The following SFMBT1 variants were observed in gnomAD, a reference collection of about 807,000 sequenced individuals.
SFMBT1 encodes scm-like with four MBT domains protein 1.
SFMBT1 carries 32 observed loss-of-function variants against 108.7 expected under a neutral mutation model. The observed-to-expected ratio is 0.29, with a 90% confidence interval of 0.22 to 0.40. The LOEUF (loss-of-function observed/expected upper bound fraction) is 0.40, where lower values mean the gene tolerates loss of function less well. Among genes scored for constraint, SFMBT1 ranks in the 10% least tolerant of loss-of-function variants. SFMBT1 has a pLI of 1.00. For synonymous variants in SFMBT1, 348 were observed against 369.5 expected, an observed-to-expected ratio of 0.94 and a Z score of 0.67; for missense variants, 816 against 1,059.6, an observed-to-expected ratio of 0.77 and a Z score of 3.19.
intron 14 of SFMBT1, among the ~76,000 whole-genome samples, chr3:52,915,904 C>T (rs1167546809): frequency 3.3e-5 from 5 of 152,196 alleles, no homozygotes; most frequent in Non-Finnish European, 2.9e-5. Flanking sequence ...CCTTCTGAGC[C>T]GTTGGCACAC....
intron 1 of SFMBT1, among the ~76,000 whole-genome samples, chr3:53,035,126 G>A (rs527380469): frequency 2.6e-5 from 4 of 152,208 alleles, no homozygotes; most frequent in Non-Finnish European, 4.4e-5. Flanking sequence ...AAGGGAATAA[G>A]CTGGACAAAT....
chr3:52,948,542 G>T (rs954528681), intron 3 of SFMBT1, among the ~76,000 whole-genome samples: 3 of 151,836 alleles, frequency 2.0e-5, no homozygotes, highest in Non-Finnish European at 2.9e-5. Context: ...TTACAATAGT[G>T]ACTCTCTCAT....
intron 1 of SFMBT1, among the ~76,000 whole-genome samples, chr3:53,012,336 G>A (rs1698970045): frequency 6.6e-6 from 1 of 152,136 alleles, no homozygotes; most frequent in Admixed American, 6.5e-5. Context: ...CATTTAAGTC[G>A]CTGCGCAGCA....
intron 1 of SFMBT1, among the ~76,000 whole-genome samples, chr3:53,036,906 G>A (rs1404008987): frequency 6.6e-6 from 1 of 152,114 alleles, no homozygotes; most frequent in Non-Finnish European, 1.5e-5. Context: ...GATTGGCTAG[G>A]GAGCAGCTCA....
chr3:52,965,586 A>G (rs1223687709), intron 2 of SFMBT1, among the ~76,000 whole-genome samples: 1 of 152,204 alleles, frequency 6.6e-6, no homozygotes, highest in African/African-American at 2.4e-5. Flanking sequence ...GAGAGCTGAA[A>G]GAAATGAGCT....
At chr3:53,000,419 G>C (rs1698505916) in intron 1 of SFMBT1, among the ~76,000 whole-genome samples, 1 of 149,976 alleles carries the variant, frequency 6.7e-6, no homozygotes, top group Non-Finnish European at 1.5e-5. Context: ...AGTTTTAAAA[G>C]TGTGGTCACT....
intron 1 of SFMBT1, among the ~76,000 whole-genome samples, chr3:53,004,744 C>T (rs1467378254): frequency 6.7e-6 from 1 of 149,994 alleles, no homozygotes; most frequent in African/African-American, 2.4e-5. Context: ...CTAAAGCCTT[C>T]AGGAGCCTTC....
intron 12 of SFMBT1, among the ~76,000 whole-genome samples, chr3:52,919,174 A>C (rs1426626279): frequency 6.6e-6 from 1 of 152,224 alleles, no homozygotes; most frequent in Admixed American, 6.5e-5. Context: ...CAAAGATCTA[A>C]ACATAAATGT....
intron 1 of SFMBT1, among the ~76,000 whole-genome samples, chr3:53,008,444 A>G (rs1182164247): frequency 6.6e-6 from 1 of 152,194 alleles, no homozygotes; most frequent in East Asian, 1.9e-4. Context: ...ATCTTAATAC[A>G]TACACACAAA....
intron 1 of SFMBT1, among the ~76,000 whole-genome samples, chr3:52,978,058 C>G (rs1212411299): frequency 6.6e-6 from 1 of 151,836 alleles, no homozygotes; most frequent in Non-Finnish European, 1.5e-5. Flanking sequence ...AAATCTCTGC[C>G]CTCATGAAGC....
chr3:52,945,162 A>G (rs35380116), intron 3 of SFMBT1, among the ~76,000 whole-genome samples: 83,560 of 132,632 alleles, frequency 0.63, 27,416 homozygotes, highest in Non-Finnish European at 0.74. Flanking sequence ...CAAGGACTTC[A>G]GGGAAAAAAG....
chr3:52,951,175 CAA>C (rs773717441), intron 3 of SFMBT1, among the ~76,000 whole-genome samples: 6 of 97,304 alleles, frequency 6.2e-5, no homozygotes, highest in Admixed American at 1.1e-4. Flanking sequence ...ATTCCTTCTC[CAA>C]AAAAAAAAAA....
intron 4 of SFMBT1, 101 bp from the exon 5 acceptor site, chr3:52,935,002 G>T: frequency 2.2e-6 from 2 of 923,092 alleles, no homozygotes; most frequent in Admixed American, 2.4e-5. Flanking sequence ...CACATTTTAA[G>T]ATCTAAGAGT....
intron 1 of SFMBT1, among the ~76,000 whole-genome samples, chr3:52,988,956 T>C (rs1249530274): frequency 1.3e-5 from 2 of 152,176 alleles, no homozygotes; most frequent in Non-Finnish European, 2.9e-5. Flanking sequence ...TTTTTATAGA[T>C]TTCAGTACCC....
At chr3:52,911,411 G>A (rs892455833) in intron 16 of SFMBT1, among the ~76,000 whole-genome samples, 4 of 152,310 alleles carry the variant, frequency 2.6e-5, no homozygotes, top group South Asian at 4.1e-4. Context: ...GCAAAATTAA[G>A]CTCCTGCTTT....
chr3:52,921,354 T>C (rs772114713), intron 11 of SFMBT1, among the ~76,000 whole-genome samples: 7 of 152,196 alleles, frequency 4.6e-5, no homozygotes, highest in Non-Finnish European at 1.0e-4. Flanking sequence ...TTTGGTTCTA[T>C]TGGGCTGCAG....
At chr3:53,029,537 A>C (rs979135051) in intron 1 of SFMBT1, among the ~76,000 whole-genome samples, 27 of 152,234 alleles carry the variant, frequency 1.8e-4, no homozygotes, top group Non-Finnish European at 2.8e-4. Context: ...AAACTTAGCT[A>C]TATTTCTGCC....
chr3:52,930,257 C>A, intron 8 of SFMBT1, 72 bp downstream of exon 8: 1 of 930,956 alleles, frequency 1.1e-6, no homozygotes, highest in Admixed American at 1.8e-5. Flanking sequence ...GCTTAAAGAT[C>A]AAAACACTAC....
intron 2 of SFMBT1, among the ~76,000 whole-genome samples, chr3:52,960,127 T>C (rs1170211664): frequency 2.0e-5 from 3 of 151,368 alleles, no homozygotes; most frequent in Non-Finnish European, 4.4e-5. Context: ...CACAGATAAG[T>C]CTCAAAAACA....
Sources: allele counts gnomAD v4.1 joint callset (sites outside exome capture counted in the v4.1 genomes callset), GRCh38; gene constraint gnomAD v4.1.1; transcripts MANE v1.5; gene names NCBI Gene and HGNC (gene_info 2026-07-23, HGNC 2026-07-21).